The following RGS20 variants were observed in gnomAD, a reference collection of about 807,000 sequenced individuals.
RGS20 encodes the protein regulator of G protein signaling 20.
RGS20 carries 30 observed loss-of-function variants against 33.6 expected under a neutral mutation model. That is an observed-to-expected ratio of 0.89 (90% CI 0.67 to 1.21). The LOEUF (loss-of-function observed/expected upper bound fraction) is 1.21. Among genes scored for constraint, RGS20 ranks in the 50% most tolerant of loss-of-function variants. RGS20 has a pLI of 0.00. For synonymous variants in RGS20, 208 were observed against 197.9 expected, an observed-to-expected ratio of 1.05 and a Z score of -0.43; for missense variants, 472 against 502.4, an observed-to-expected ratio of 0.94 and a Z score of 0.58.
intron 2 of RGS20, among the ~76,000 whole-genome samples, chr8:53,912,679 C>G (rs1036830200): frequency 6.6e-6 from 1 of 152,022 alleles, no homozygotes; most frequent in Non-Finnish European, 1.5e-5. Context: ...TGTATATATA[C>G]ATATGTAGTG....
At chr8:53,910,802 C>T (rs768111318) in intron 2 of RGS20, among the ~76,000 whole-genome samples, 1 of 152,104 alleles carries the variant, frequency 6.6e-6, no homozygotes, top group Admixed American at 6.6e-5. Context: ...AAAAGCATTA[C>T]GCTAAGTGAA....
Position 53,958,402 on chromosome 8 carries a change from T to G in RGS20, c.1111T>G (p.Ser371Ala), listed in dbSNP as rs1332143257. ...AGACTCATATCCTCGATTCATGAACTCTGCTGTCTATAAGGACTTGCTTCA... is the reference window on the plus strand; with the variant it reads ...AGACTCATATCCTCGATTCATGAACGCTGCTGTCTATAAGGACTTGCTTCA... Residue 371 changes from serine (S) to alanine (A), a missense_variant, in exon 6 of 6, where the codon TCT (serine) becomes GCT (alanine). Transcript: ENST00000297313. 6.2e-7 allele frequency: 1 copy of G among 1,612,936 alleles called. No homozygotes were observed.
In RGS20 at chr8:53,851,808, C is replaced by A; in HGVS notation, c.-92C>A. On this transcript the variant is annotated 5_prime_UTR_variant, in exon 1 of 6. Transcript: ENST00000297313. ...CCCCACAGATTCAGAGCCAGCCCAGCATTAACCAAACAAAGAGAAGCAGAG... is the reference window on the plus strand; with the variant it reads ...CCCCACAGATTCAGAGCCAGCCCAGAATTAACCAAACAAAGAGAAGCAGAG... The A allele has an allele frequency of 7.3e-7, 1 of 1,366,648 alleles. No homozygotes were observed. Among genetic ancestry groups the A allele is most frequent in the South Asian group, 1.4e-5 (1 of 71,484 alleles). 84.7% of individuals were successfully genotyped at this position (1,366,648 alleles called of 1,614,324 possible).
At chr8:53,925,715 A>G (rs926711535) in intron 2 of RGS20, among the ~76,000 whole-genome samples, 35 of 152,210 alleles carry the variant, frequency 2.3e-4, no homozygotes, top group African/African-American at 8.4e-4. Context: ...AGCCTGGGCA[A>G]CAAGAGCGAA....
intron 1 of RGS20, among the ~76,000 whole-genome samples, chr8:53,870,096 T>C (rs1324030597): frequency 6.6e-6 from 1 of 152,174 alleles, no homozygotes; most frequent in Non-Finnish European, 1.5e-5. Flanking sequence ...AGACTCTTTA[T>C]TACAACAATA....
intron 5 of RGS20, among the ~76,000 whole-genome samples, chr8:53,955,633 C>G (rs886817287): frequency 2.0e-5 from 3 of 152,078 alleles, no homozygotes; most frequent in Non-Finnish European, 4.4e-5. Flanking sequence ...AGTTCGAGAC[C>G]AGCCTGGCCA....
intron 2 of RGS20, among the ~76,000 whole-genome samples, chr8:53,920,357 GT>G (rs1813606878): frequency 6.6e-6 from 1 of 151,580 alleles, no homozygotes; most frequent in African/African-American, 2.4e-5. Flanking sequence ...ATTTTTCTTT[GT>G]TAATATTGTA....
At chr8:53,918,135 A>G (rs914965460) in intron 2 of RGS20, among the ~76,000 whole-genome samples, 16 of 152,204 alleles carry the variant, frequency 1.1e-4, no homozygotes. Context: ...TATACAGTTC[A>G]GTAGTTCTTA....
intron 2 of RGS20, chr8:53,881,075 C>A: frequency 6.5e-7 from 1 of 1,544,080 alleles, no homozygotes; most frequent in Middle Eastern, 2.0e-4. Context: ...GCAGGGTGGA[C>A]GGTGGGCTCG....
intron 3 of RGS20, among the ~76,000 whole-genome samples, chr8:53,944,267 C>T (rs372624005): frequency 6.6e-6 from 1 of 152,060 alleles, no homozygotes; most frequent in Non-Finnish European, 1.5e-5. Flanking sequence ...TGGCCAGGCG[C>T]GATGGCTCAC....
intron 2 of RGS20, among the ~76,000 whole-genome samples, chr8:53,927,201 G>GTTTT (rs553191513): frequency 1.6e-5 from 2 of 126,962 alleles, no homozygotes; most frequent in South Asian, 2.6e-4. Flanking sequence ...TTTTTGGGGC[G>GTTTT]TTTTTTTTTT....
chr8:53,870,179 C>T (rs1197983931), intron 1 of RGS20, among the ~76,000 whole-genome samples: 3 of 152,186 alleles, frequency 2.0e-5, no homozygotes, highest in Non-Finnish European at 2.9e-5. Context: ...TCACCCAAGG[C>T]ACCAAACCAC....
intron 4 of RGS20, among the ~76,000 whole-genome samples, chr8:53,949,594 T>G (rs1192348067): frequency 6.6e-6 from 1 of 151,216 alleles, no homozygotes; most frequent in Non-Finnish European, 1.5e-5. Flanking sequence ...CAAACGCCTG[T>G]AATCCCAGCT....
chr8:53,950,649 C>T (rs1052284318), intron 4 of RGS20, among the ~76,000 whole-genome samples: 3 of 150,940 alleles, frequency 2.0e-5, no homozygotes, highest in Non-Finnish European at 4.4e-5. Flanking sequence ...GGGTCTCATT[C>T]TGTCACCCAG....
At chr8:53,944,593 C>A (rs1362763795) in intron 3 of RGS20, among the ~76,000 whole-genome samples, 1 of 151,030 alleles carries the variant, frequency 6.6e-6, no homozygotes, top group African/African-American at 2.4e-5. Flanking sequence ...AAATTAGAGG[C>A]CTGAGAATTG....
At chr8:53,866,131 T>G (rs1211339702) in intron 1 of RGS20, among the ~76,000 whole-genome samples, 1 of 151,976 alleles carries the variant, frequency 6.6e-6, no homozygotes, top group Non-Finnish European at 1.5e-5. Flanking sequence ...AGGGGAGTGA[T>G]TCAGGCAGAA....
intron 2 of RGS20, among the ~76,000 whole-genome samples, chr8:53,902,808 C>A (rs145110753): frequency 6.6e-6 from 1 of 152,156 alleles, no homozygotes; most frequent in African/African-American, 2.4e-5. Flanking sequence ...TCACAGCAAC[C>A]TCTGCCTCCC....
At chr8:53,906,183 A>G (rs1813166738) in intron 2 of RGS20, among the ~76,000 whole-genome samples, 1 of 152,090 alleles carries the variant, frequency 6.6e-6, no homozygotes, top group African/African-American at 2.4e-5. Context: ...TGGGAGGCTG[A>G]GGCGGGCGGA....
At chr8:53,953,295 C>A (rs1428972041) in intron 4 of RGS20, among the ~76,000 whole-genome samples, 6 of 152,088 alleles carry the variant, frequency 3.9e-5, no homozygotes, top group African/African-American at 1.4e-4. Flanking sequence ...CCAAGGTGGG[C>A]AGATCGCTTG....
Sources: allele counts gnomAD v4.1 joint callset (sites outside exome capture counted in the v4.1 genomes callset), GRCh38; gene constraint gnomAD v4.1.1; transcripts MANE v1.5; gene names NCBI Gene and HGNC (gene_info 2026-07-23, HGNC 2026-07-21).